CDH20: variants seen among roughly 807,000 people sequenced by gnomAD.
The protein encoded by CDH20 is cadherin 20.
CDH20 carries 29 observed loss-of-function variants against 74.2 expected under a neutral mutation model. The ratio of observed to expected loss-of-function variants is 0.39; its 90% confidence interval spans 0.29 to 0.53. CDH20 has a LOEUF of 0.53. CDH20 is among the 20% of genes least tolerant of loss of function. The pLI, the probability that CDH20 is intolerant of heterozygous loss-of-function variation, is 0.69. For missense variants in CDH20, 988 were observed against 1,048.3 expected (o/e 0.94, Z 0.79); for synonymous variants, 469 against 405.4 (o/e 1.16, Z -1.88).
chr18:61,515,937 T>TAAA (rs11453784), intron 6 of CDH20, among the ~76,000 whole-genome samples: 28 of 151,886 alleles, frequency 1.8e-4, no homozygotes, highest in African/African-American at 5.3e-4. Context: ...ATAATAATTT[T>TAAA]AAAAAAAAGA....
intron 10 of CDH20, among the ~76,000 whole-genome samples, chr18:61,546,993 C>T (rs549029647): frequency 6.6e-5 from 10 of 152,242 alleles, no homozygotes; most frequent in Admixed American, 6.5e-4. Context: ...GAGTTCAAGA[C>T]CAGCCTGGGC....
chr18:61,530,987 T>C (rs1055275604), intron 7 of CDH20, among the ~76,000 whole-genome samples: 1 of 152,236 alleles, frequency 6.6e-6, no homozygotes, highest in Non-Finnish European at 1.5e-5. Context: ...ATTCTGCTCA[T>C]AGGAGGTTAG....
chr18:61,353,574 T>C lies in CDH20; in HGVS notation c.-153+19747T>C, dbSNP rs1302434648. Among the ~76,000 whole-genome samples the C allele has an allele frequency of 1.3e-5, 2 of 152,216 alleles. No individual in the cohort carries two copies. Among genetic ancestry groups the C allele is most frequent in the African/African-American group, 2.4e-5 (1 of 41,454 alleles). Reference sequence around the variant, plus strand: ...GAATATCCGACAGTGTGTATCACAGTGCTTTGCACATATTTTAGTGTTTGT... The same window carrying C: ...GAATATCCGACAGTGTGTATCACAGCGCTTTGCACATATTTTAGTGTTTGT... On this transcript the variant is annotated intron_variant, in intron 1 of 11. Coordinates refer to ENST00000262717, the MANE Select transcript of CDH20 (RefSeq NM_031891.4). The surrounding 1 kb of genome is among the most constrained non-coding windows in gnomAD (Gnocchi z 4.6).
At chr18:61,495,105 A>G (rs1911089840) in intron 2 of CDH20, among the ~76,000 whole-genome samples, 1 of 152,190 alleles carries the variant, frequency 6.6e-6, no homozygotes, top group African/African-American at 2.4e-5. Flanking sequence ...AGGAAAAAAA[A>G]CATTTTCCCA....
intron 7 of CDH20, among the ~76,000 whole-genome samples, chr18:61,532,414 T>C (rs1912675100): frequency 6.6e-6 from 1 of 152,064 alleles, no homozygotes; most frequent in Non-Finnish European, 1.5e-5. Flanking sequence ...TTCTCTTTAA[T>C]TCCTAATTCC....
intron 1 of CDH20, among the ~76,000 whole-genome samples, chr18:61,341,425 C>G (rs1005074254): frequency 7.9e-5 from 12 of 151,596 alleles, no homozygotes; most frequent in Non-Finnish European, 1.3e-4. Flanking sequence ...GCCTTGAGCC[C>G]CCCCCCCGCC....
At chr18:61,388,649 G>A (rs1267656165) in intron 1 of CDH20, among the ~76,000 whole-genome samples, 3 of 152,132 alleles carry the variant, frequency 2.0e-5, no homozygotes, top group Non-Finnish European at 1.5e-5. Context: ...AGCTAACTCA[G>A]GTGTGGAAAA....
chr18:61,405,498 G>A (rs923363087), intron 1 of CDH20, among the ~76,000 whole-genome samples: 6 of 152,126 alleles, frequency 3.9e-5, no homozygotes, highest in African/African-American at 1.4e-4. Flanking sequence ...GAGGCAGGAG[G>A]ATTGCTTCAG....
intron 1 of CDH20, among the ~76,000 whole-genome samples, chr18:61,368,125 G>A (rs1910917585): frequency 6.6e-6 from 1 of 152,022 alleles, no homozygotes; most frequent in Non-Finnish European, 1.5e-5. Flanking sequence ...CAGGACCCTT[G>A]TGATTACATT....
At chr18:61,372,461 A>T (rs1000869675) in intron 1 of CDH20, among the ~76,000 whole-genome samples, 2 of 152,142 alleles carry the variant, frequency 1.3e-5, no homozygotes, top group African/African-American at 4.8e-5. Flanking sequence ...GAAGACAAAA[A>T]ATATTCCTAG....
intron 1 of CDH20, among the ~76,000 whole-genome samples, chr18:61,413,488 T>G (rs1187976437): frequency 6.6e-6 from 1 of 152,154 alleles, no homozygotes; most frequent in Non-Finnish European, 1.5e-5. Context: ...AGTTATAAAC[T>G]TGTGTGGCCA....
At chr18:61,399,497 A>T (rs1912089647) in intron 1 of CDH20, among the ~76,000 whole-genome samples, 1 of 152,080 alleles carries the variant, frequency 6.6e-6, no homozygotes. Flanking sequence ...TCCAGCCCGA[A>T]ATCCCATCAT....
intron 2 of CDH20, among the ~76,000 whole-genome samples, chr18:61,495,091 A>G (rs1911089000): frequency 6.6e-6 from 1 of 152,214 alleles, no homozygotes; most frequent in Admixed American, 6.5e-5. Context: ...ATATTTTTTT[A>G]GGAAGGAAAA....
chr18:61,393,128 A>G (rs901458533), intron 1 of CDH20, among the ~76,000 whole-genome samples: 1 of 152,114 alleles, frequency 6.6e-6, no homozygotes, highest in African/African-American at 2.4e-5. Context: ...TTGATTCCAG[A>G]TTTCTTCTTC....
At chr18:61,365,973 T>A (rs1264358642) in intron 1 of CDH20, among the ~76,000 whole-genome samples, 1 of 152,194 alleles carries the variant, frequency 6.6e-6, no homozygotes, top group Non-Finnish European at 1.5e-5. Context: ...GGGGTTTTGT[T>A]ACATTTATCA....
chr18:61,417,329 CATA>C, intron 1 of CDH20, among the ~76,000 whole-genome samples: 1 of 151,974 alleles, frequency 6.6e-6, no homozygotes, highest in Middle Eastern at 3.4e-3. Flanking sequence ...ACCATAGAAT[CATA>C]ATATCACTGT....
At chr18:61,388,655 GA>G (rs1911676235) in intron 1 of CDH20, among the ~76,000 whole-genome samples, 1 of 152,152 alleles carries the variant, frequency 6.6e-6, no homozygotes, top group Admixed American at 6.5e-5. Flanking sequence ...CTCAGGTGTG[GA>G]AAAACATTTA....
At chr18:61,355,562 A>T (rs982562537) in intron 1 of CDH20, among the ~76,000 whole-genome samples, 28 of 152,238 alleles carry the variant, frequency 1.8e-4, no homozygotes, top group Non-Finnish European at 7.3e-5. Context: ...ACCACAGCTG[A>T]TAGTGGTCAT....
intron 1 of CDH20, among the ~76,000 whole-genome samples, chr18:61,469,892 T>C (rs1910104285): frequency 6.6e-6 from 1 of 152,180 alleles, no homozygotes; most frequent in African/African-American, 2.4e-5. Flanking sequence ...CAATGATTCA[T>C]AGAGATTCTG....
Sources: allele counts gnomAD v4.1 joint callset (sites outside exome capture counted in the v4.1 genomes callset), GRCh38; gene constraint gnomAD v4.1.1; non-coding constraint Gnocchi (gnomAD v3.1); transcripts MANE v1.5; gene names NCBI Gene and HGNC (gene_info 2026-07-23, HGNC 2026-07-21).